The following LARGE1 variants were observed in gnomAD, a reference collection of about 807,000 sequenced individuals.
The protein encoded by LARGE1 is LARGE xylosyl- and glucuronyltransferase 1.
In LARGE1, 43 loss-of-function variants were observed where a neutral mutation model predicts 87.6. The ratio of observed to expected loss-of-function variants is 0.49; its 90% CI spans 0.38 to 0.63. The LOEUF (loss-of-function observed/expected upper bound fraction) is 0.63, where lower values mean the gene tolerates loss of function less well. Ranked by LOEUF, LARGE1 falls within the 30% of genes least tolerant of loss-of-function variation. LARGE1 has a pLI of 0.00. For missense variants in LARGE1, 802 were observed against 1,000.2 expected (o/e 0.80, Z 2.67); for synonymous variants, 434 against 394.6 (o/e 1.10, Z -1.18).
chr22:33,165,314 G>C (rs577483896), exon 12 of LARGE1: 1 of 152,256 alleles, frequency 6.6e-6, no homozygotes, highest in South Asian at 2.1e-4. Flanking sequence ...TGGCATAGTT[G>C]CTCTGTGCTC....
chr22:33,509,170 G>A lies in LARGE1; in HGVS notation c.787+55678C>T, dbSNP rs183839264. On this transcript the variant is annotated intron_variant, in intron 6 of 14. Transcript: ENST00000397394. ...AATCACTGAGGGCCCCACCCCTAGG[G>A]TTACTGATTTAGTATGCCTGGGGTG... Among the ~76,000 whole-genome samples the A allele has an allele frequency of 2.7e-4, 41 of 152,266 alleles. 1 individual carries two copies. The South Asian group carries it at 6.2e-3, about 23-fold the overall frequency.
At chr22:33,291,636 AC>A (rs1932582312) in intron 12 of LARGE1, among the ~76,000 whole-genome samples, 1 of 151,644 alleles carries the variant, frequency 6.6e-6, no homozygotes, top group African/African-American at 2.4e-5. Flanking sequence ...ATAATGTATT[AC>A]ATCAATACAT....
downstream of LARGE1, among the ~76,000 whole-genome samples, chr22:33,159,185 C>T (rs1921948230): frequency 6.6e-6 from 1 of 152,088 alleles, no homozygotes; most frequent in Non-Finnish European, 1.5e-5. Flanking sequence ...TCTCTTCTAT[C>T]TTGGCCTTTT....
intron 1 of LARGE1, chr22:33,873,065 AC>A (rs1445277325): frequency 6.6e-6 from 1 of 152,104 alleles, no homozygotes; most frequent in African/African-American, 2.4e-5. Context: ...CAAGCCTCTT[AC>A]ATTAAAATCG....
intron 1 of LARGE1, among the ~76,000 whole-genome samples, chr22:33,764,506 C>T (rs998371365): frequency 6.6e-6 from 1 of 152,100 alleles, no homozygotes; most frequent in Non-Finnish European, 1.5e-5. Flanking sequence ...GCCTGTAATC[C>T]CAGCACTTTG....
At chr22:33,225,325 T>C (rs946423427) in intron 11 of LARGE1, among the ~76,000 whole-genome samples, 3 of 152,186 alleles carry the variant, frequency 2.0e-5, no homozygotes, top group Admixed American at 6.5e-5. Context: ...AGGACCTTAG[T>C]TCACAAAGGA....
intron 1 of LARGE1, among the ~76,000 whole-genome samples, chr22:33,809,253 A>G (rs2086415233): frequency 7.3e-6 from 1 of 137,874 alleles, no homozygotes; most frequent in South Asian, 2.7e-4. Flanking sequence ...GCCTGGTGAC[A>G]GAGTGAGACT....
intron 1 of LARGE1, among the ~76,000 whole-genome samples, chr22:33,785,021 A>G (rs772814891): frequency 1.3e-5 from 2 of 149,992 alleles, no homozygotes; most frequent in Non-Finnish European, 1.5e-5. Flanking sequence ...GTATACATAC[A>G]TATGTGTATA....
chr22:33,352,979 C>T (rs1461506724), intron 9 of LARGE1, among the ~76,000 whole-genome samples: 2 of 152,194 alleles, frequency 1.3e-5, no homozygotes, highest in Admixed American at 6.5e-5. Flanking sequence ...TGAGCTGACA[C>T]TTCTGTTCCC....
intron 9 of LARGE1, among the ~76,000 whole-genome samples, chr22:33,355,907 C>T (rs1441857559): frequency 2.0e-5 from 3 of 152,152 alleles, no homozygotes; most frequent in Non-Finnish European, 4.4e-5. Context: ...GGGAGTCTTT[C>T]CTGTGTGTTG....
At chr22:33,293,062 A>T (rs1932818479) in intron 12 of LARGE1, among the ~76,000 whole-genome samples, 1 of 151,976 alleles carries the variant, frequency 6.6e-6, no homozygotes, top group Non-Finnish European at 1.5e-5. Flanking sequence ...ACAGAAGCAT[A>T]CTCCTCTCTG....
At chr22:33,723,412 T>C (rs2083169235) in intron 2 of LARGE1, among the ~76,000 whole-genome samples, 1 of 152,186 alleles carries the variant, frequency 6.6e-6, no homozygotes, top group African/African-American at 2.4e-5. Context: ...AAAGAAATTC[T>C]AGAATCAGCT....
intron 2 of LARGE1, among the ~76,000 whole-genome samples, chr22:33,660,692 A>G (rs1255306418): frequency 6.6e-6 from 1 of 152,260 alleles, no homozygotes; most frequent in Non-Finnish European, 1.5e-5. Flanking sequence ...TAGATTCATC[A>G]AAACTAAAAG....
chr22:33,219,225 C>G (rs188100334), intron 11 of LARGE1, among the ~76,000 whole-genome samples: 160 of 152,262 alleles, frequency 1.1e-3, no homozygotes, highest in Non-Finnish European at 1.8e-3. Context: ...CTGAGAAAAG[C>G]TTATTTTAGA....
chr22:33,700,869 G>A (rs2082387004), intron 2 of LARGE1, among the ~76,000 whole-genome samples: 1 of 152,202 alleles, frequency 6.6e-6, no homozygotes, highest in Non-Finnish European at 1.5e-5. Flanking sequence ...AGGAAAGGTT[G>A]ACAAGGCATG....
chr22:33,726,579 CCCT>C (rs1457362795), intron 2 of LARGE1, among the ~76,000 whole-genome samples: 7 of 152,212 alleles, frequency 4.6e-5, no homozygotes, highest in Admixed American at 3.9e-4. Context: ...TATACTCCTC[CCCT>C]CCTCCTTTCC....
intron 1 of LARGE1, among the ~76,000 whole-genome samples, chr22:33,805,592 G>A (rs2413203): frequency 0.23 from 34,372 of 151,800 alleles, 4,392 homozygotes; most frequent in East Asian, 0.41. Flanking sequence ...AAATTAGCTG[G>A]GCATGATGGC....
intron 1 of LARGE1, among the ~76,000 whole-genome samples, chr22:33,901,143 A>G (rs558729304): frequency 3.9e-5 from 6 of 152,242 alleles, no homozygotes; most frequent in Non-Finnish European, 8.8e-5. Flanking sequence ...ATGTGACTGG[A>G]GGGACATGTC....
At chr22:33,323,466 G>T (rs1016508332) in intron 10 of LARGE1, among the ~76,000 whole-genome samples, 1 of 152,218 alleles carries the variant, frequency 6.6e-6, no homozygotes, top group East Asian at 1.9e-4. Context: ...AGAAGTCCAG[G>T]ATGGGAATCC....
Sources: allele counts gnomAD v4.1 joint callset (sites outside exome capture counted in the v4.1 genomes callset), GRCh38; gene constraint gnomAD v4.1.1; transcripts MANE v1.5; gene names NCBI Gene and HGNC (gene_info 2026-07-23, HGNC 2026-07-21).